Variants in BMPR2 observed in about 807,000 individuals in gnomAD.
BMPR2 encodes bone morphogenetic protein receptor type 2, also known as bone morphogenetic protein receptor type-2.
BMPR2 carries 29 observed loss-of-function variants against 100.8 expected under a neutral mutation model. That is an observed-to-expected ratio of 0.29 (90% CI 0.21 to 0.39). BMPR2 has a LOEUF of 0.39. BMPR2 is among the 10% of genes least tolerant of loss of function. The pLI is 1.00. For missense variants in BMPR2, 1,011 were observed against 1,274.5 expected, an observed-to-expected ratio of 0.79 and a Z score of 3.15; for synonymous variants, 382 against 442.3, an observed-to-expected ratio of 0.86 and a Z score of 1.71.
intron 3 of BMPR2, among the ~76,000 whole-genome samples, chr2:202,513,422 T>C (rs557050449): frequency 6.6e-6 from 1 of 152,350 alleles, no homozygotes; most frequent in South Asian, 2.1e-4. Flanking sequence ...TCTAAGACTC[T>C]TGATATTATA....
chr2:202,520,496 G>T, intron 7 of BMPR2: 1 of 412,978 alleles, frequency 2.4e-6, no homozygotes, highest in Non-Finnish European at 4.4e-6. Flanking sequence ...GTCCTGTGAG[G>T]ACATCAACAT....
intron 3 of BMPR2, among the ~76,000 whole-genome samples, chr2:202,473,579 T>G (rs1457553726): frequency 6.6e-6 from 1 of 150,820 alleles, no homozygotes; most frequent in Non-Finnish European, 1.5e-5. Flanking sequence ...TCACTTGAGG[T>G]CAGGAGTTTG....
At chr2:202,549,759 A>AG (rs1448485443) in intron 10 of BMPR2, among the ~76,000 whole-genome samples, 1 of 151,316 alleles carries the variant, frequency 6.6e-6, no homozygotes, top group African/African-American at 2.4e-5. Context: ...AAAAAAAAAA[A>AG]AGAAAAGAAA....
intron 1 of BMPR2, among the ~76,000 whole-genome samples, chr2:202,456,429 C>T (rs1429543115): frequency 1.3e-5 from 2 of 151,556 alleles, no homozygotes; most frequent in Non-Finnish European, 2.9e-5. Flanking sequence ...CCGCCCATCT[C>T]GACCTTCCAA....
At chr2:202,402,921 C>T (rs985409852) in intron 1 of BMPR2, among the ~76,000 whole-genome samples, 3 of 151,796 alleles carry the variant, frequency 2.0e-5, no homozygotes, top group Admixed American at 2.0e-4. Context: ...TTCCGCCTCC[C>T]GGGTACAAGC....
chr2:202,485,545 C>CTTTTTTATTTTTT (rs1692757161), intron 3 of BMPR2, among the ~76,000 whole-genome samples: 1 of 64,010 alleles, frequency 1.6e-5, no homozygotes, highest in Non-Finnish European at 2.7e-5. Context: ...TTGCCTTTAT[C>CTTTTTTATTTTTT]TTTTTTTTTT....
At chr2:202,509,493 C>T (rs910432471) in intron 3 of BMPR2, among the ~76,000 whole-genome samples, 8 of 151,608 alleles carry the variant, frequency 5.3e-5, no homozygotes, top group South Asian at 2.1e-4. Flanking sequence ...ATAAAATACA[C>T]ATTAGTTAGC....
intron 9 of BMPR2, among the ~76,000 whole-genome samples, chr2:202,536,349 A>T (rs373003379): frequency 6.6e-6 from 1 of 152,110 alleles, no homozygotes; most frequent in South Asian, 2.1e-4. Context: ...CCTGGGCTCA[A>T]GTGATCCACC....
At chr2:202,543,468 C>T (rs1688318675) in intron 10 of BMPR2, among the ~76,000 whole-genome samples, 1 of 150,974 alleles carries the variant, frequency 6.6e-6, no homozygotes. Flanking sequence ...ATGTCAGTAC[C>T]TCTAGATGTA....
chr2:202,530,427 A>G (rs1222407732), intron 7 of BMPR2, among the ~76,000 whole-genome samples: 1 of 151,980 alleles, frequency 6.6e-6, no homozygotes, highest in Non-Finnish European at 1.5e-5. Context: ...TTAGTTTTTC[A>G]CTGATACTTA....
chr2:202,413,058 T>G (rs1691045532), intron 1 of BMPR2, among the ~76,000 whole-genome samples: 1 of 152,330 alleles, frequency 6.6e-6, no homozygotes, highest in East Asian at 1.9e-4. Context: ...TATAAGGATA[T>G]CTATAGAGCT....
chr2:202,475,933 G>A (rs1367946510), intron 3 of BMPR2, among the ~76,000 whole-genome samples: 1 of 152,016 alleles, frequency 6.6e-6, no homozygotes, highest in Non-Finnish European at 1.5e-5. Context: ...AATTAGCCGG[G>A]CGTGGTGGCA....
At chr2:202,447,656 G>T (rs1228756655) in intron 1 of BMPR2, among the ~76,000 whole-genome samples, 3 of 150,666 alleles carry the variant, frequency 2.0e-5, no homozygotes, top group Non-Finnish European at 4.4e-5. Flanking sequence ...CTCCAGCTTG[G>T]GTGACAGAGC....
At chr2:202,508,385 C>G (rs1687565870) in intron 3 of BMPR2, among the ~76,000 whole-genome samples, 1 of 152,136 alleles carries the variant, frequency 6.6e-6, no homozygotes, top group African/African-American at 2.4e-5. Context: ...GCCACTGCAC[C>G]CAGCTGAGTC....
intron 1 of BMPR2, among the ~76,000 whole-genome samples, chr2:202,423,953 G>A (rs777914507): frequency 1.3e-5 from 2 of 151,644 alleles, no homozygotes; most frequent in Non-Finnish European, 2.9e-5. Context: ...CCGTGCAGAC[G>A]TCCCAACTAC....
At chr2:202,489,629 A>AGT (rs1348333304) in intron 3 of BMPR2, among the ~76,000 whole-genome samples, 2 of 152,230 alleles carry the variant, frequency 1.3e-5, no homozygotes, top group Non-Finnish European at 2.9e-5. Context: ...AAACAACTGA[A>AGT]GTGCTGTGTT....
intron 9 of BMPR2, among the ~76,000 whole-genome samples, chr2:202,535,288 C>CG (rs1688125489): frequency 6.6e-6 from 1 of 151,256 alleles, no homozygotes; most frequent in South Asian, 2.1e-4. Context: ...ACTTCTCAGA[C>CG]GGGGCGGCTG....
intron 1 of BMPR2, among the ~76,000 whole-genome samples, chr2:202,421,736 TAA>T (rs201785849): frequency 9.5e-4 from 135 of 141,678 alleles, no homozygotes; most frequent in Middle Eastern, 3.6e-3. Context: ...CTCTGCCCAT[TAA>T]AAAAAAAAAA....
At chr2:202,377,763 A>G (rs1309575607) in intron 1 of BMPR2, among the ~76,000 whole-genome samples, 3 of 152,118 alleles carry the variant, frequency 2.0e-5, no homozygotes, top group African/African-American at 7.2e-5. Context: ...CCACTTCCAT[A>G]TTCCCACCCC....
Sources: allele counts gnomAD v4.1 joint callset (sites outside exome capture counted in the v4.1 genomes callset), GRCh38; gene constraint gnomAD v4.1.1; transcripts MANE v1.5; gene names NCBI Gene and HGNC (gene_info 2026-07-23, HGNC 2026-07-21).